The following MIDEAS variants were observed in gnomAD, a reference collection of about 807,000 sequenced individuals.
MIDEAS encodes mitotic deacetylase associated SANT domain protein.
Under a neutral mutation model 102.7 loss-of-function variants are expected in MIDEAS, and 26 were observed. The ratio of observed to expected loss-of-function variants is 0.25; its 90% CI spans 0.19 to 0.35. The LOEUF (loss-of-function observed/expected upper bound fraction) is 0.35. Among genes scored for constraint, MIDEAS ranks in the 10% least tolerant of loss-of-function variants. The pLI, the probability that MIDEAS is intolerant of heterozygous loss-of-function variation, is 1.00. For synonymous variants in MIDEAS, 585 were observed against 591.0 expected, an observed-to-expected ratio of 0.99 and a Z score of 0.15; for missense variants, 1,231 against 1,435.6, an observed-to-expected ratio of 0.86 and a Z score of 2.30.
chr14:73,770,378 GAT>G (rs2053632239), intron 1 of MIDEAS, among the ~76,000 whole-genome samples: 1 of 152,148 alleles, frequency 6.6e-6, no homozygotes, highest in African/African-American at 2.4e-5. Flanking sequence ...TGATGATGAT[GAT>G]GATGGTGATG....
chr14:73,731,937 C>T lies in MIDEAS; in HGVS notation c.1750-1952G>A, dbSNP rs533893485. Among the ~76,000 whole-genome samples, 74 of 152,328 alleles carry T rather than the reference C, an allele frequency of 4.9e-4. 2 individuals are homozygous for T. In the South Asian group the frequency reaches 0.015, roughly 30 times the overall value. ...TAAACAAATAACAAAACACAAACCT[C>T]CCCCCAAAGCCTGGTGTAGTACAAG... On this transcript the variant is annotated intron_variant, in intron 3 of 12. Transcript: ENST00000423556.
intron 11 of MIDEAS, among the ~76,000 whole-genome samples, chr14:73,719,753 G>C (rs777644264): frequency 3.2e-4 from 49 of 151,430 alleles, no homozygotes; most frequent in Non-Finnish European, 6.5e-4. Flanking sequence ...TAGAGGCCTT[G>C]ATGCGCCTGA....
In MIDEAS at chr14:73,726,619, G is replaced by A; in HGVS notation, c.2394C>T (p.Ser798=). 1 of 1,614,142 alleles carries A rather than the reference G, an allele frequency of 6.2e-7. No individual in the cohort carries two copies. The highest frequency in any genetic ancestry group is 8.5e-7 in the Non-Finnish European group (1 of 1,180,006). The change falls in exon 7 of 13, where the codon TCC becomes TCT. Residue 798 remains serine, a synonymous_variant. Coordinates refer to ENST00000423556, the MANE Select transcript of MIDEAS (RefSeq NM_001367710.1). ...GCCTTCTCACCAGGATGTCTCCTCT[G>A]GATTCGTGCAGACAGTGCAGGGCCA... The part of the protein sequence containing the change: ...QELALHCLHE[S]RGDILETLNK...
Position 73,716,187 on chromosome 14 carries a change from C to G in MIDEAS, c.*2656G>C, listed in dbSNP as rs3742818. Reference sequence around the variant, plus strand: ...ATGCCAGCTTCTATAGCTGCACCTGCTTTATTGGCAGGTCACTTGCCACAA... The same window carrying G: ...ATGCCAGCTTCTATAGCTGCACCTGGTTTATTGGCAGGTCACTTGCCACAA... On this transcript the variant is annotated 3_prime_UTR_variant, in exon 13 of 13. Coordinates refer to ENST00000423556, the MANE Select transcript of MIDEAS (RefSeq NM_001367710.1). 0.058 allele frequency: 8,899 copies of G among 152,636 alleles called. 270 individuals are homozygous for G. Among genetic ancestry groups the G allele is most frequent in the Middle Eastern group, 0.085 (25 of 294 alleles). 9.5% of individuals were successfully genotyped at this position (152,636 alleles called of 1,614,324 possible).
In MIDEAS at chr14:73,718,913, G is replaced by A; in HGVS notation, c.3230C>T (p.Ala1077Val). ...GTGGGCGGCGGCGGCGGCAGCAGCG[G>A]CCTCTTTCTCCTTCAGCCTCAGCGC... ...AAALRLKEKE[A>V]AAAAAAAHQQ... Residue 1077 changes from alanine to valine, a missense_variant, in exon 13 of 13, where the codon GCC becomes GTC. This residue lies in a region of MIDEAS where 71 missense variants were observed against 51.9 expected (regional missense o/e 1.37). Coordinates refer to ENST00000423556, the MANE Select transcript of MIDEAS (RefSeq NM_001367710.1). 1 of 1,524,064 alleles carries A rather than the reference G, an allele frequency of 6.6e-7. No homozygotes were observed. Among genetic ancestry groups the A allele is most frequent in the Non-Finnish European group, 8.8e-7 (1 of 1,142,370 alleles). The allele number at this position is 1,524,064 out of a possible 1,614,324, so 94.4% of individuals were successfully genotyped here. A position where few individuals can be genotyped will look rare whatever the true frequency, so the allele number is the denominator to read the frequency against.
intron 1 of MIDEAS, among the ~76,000 whole-genome samples, chr14:73,756,357 A>G (rs1234436566): frequency 1.4e-4 from 21 of 151,996 alleles, no homozygotes; most frequent in Non-Finnish European, 4.4e-5. Flanking sequence ...TGCAGTTTCC[A>G]ACATTAAAGT....
chr14:73,776,931 C>T (rs986311057), intron 1 of MIDEAS, among the ~76,000 whole-genome samples: 2 of 151,880 alleles, frequency 1.3e-5, no homozygotes, highest in Admixed American at 6.6e-5. Context: ...ATTAGCCTGG[C>T]GTGGTGGCGG....
Position 73,722,740 on chromosome 14 carries a change from G to A in MIDEAS, c.2682C>T (p.Ser894=), listed in dbSNP as rs375773568. 4.7e-5 allele frequency: 76 copies of A among 1,614,002 alleles called. No individual in the cohort carries two copies. The highest frequency in any genetic ancestry group is 6.2e-5 in the Non-Finnish European group (73 of 1,180,022). Residue 894 remains serine, a synonymous_variant, in exon 10 of 13, where the codon AGC becomes AGT. Transcript: ENST00000423556. ...GTLTFGDVDT[S]DEKSAQEEVE... ...CCTCTTCCTGGGCCGACTTCTCATC[G>A]CTCGTATCCACATCCCCAAAGGTTA...
chr14:73,735,841 T>C (rs564257975), intron 3 of MIDEAS, among the ~76,000 whole-genome samples: 1 of 152,254 alleles, frequency 6.6e-6, no homozygotes, highest in Admixed American at 6.5e-5. Flanking sequence ...ATCACACTTG[T>C]ATCTCATAAC....
upstream of MIDEAS, among the ~76,000 whole-genome samples, chr14:73,764,359 A>AAC (rs1555345440): frequency 3.3e-4 from 39 of 117,692 alleles, no homozygotes; most frequent in East Asian, 8.3e-3. Flanking sequence ...AAAAAAAAAA[A>AAC]AAAACAAAAC....
Position 73,726,106 on chromosome 14 carries a change from T to C in MIDEAS, c.2412A>G (p.Glu804=), listed in dbSNP as rs747405241. Residue 804 remains glutamate, a splice_region_variant and synonymous_variant, in exon 8 of 13, where the codon GAA becomes GAG. Coordinates refer to ENST00000423556, the MANE Select transcript of MIDEAS (RefSeq NM_001367710.1). ...CLHESRGDIL[E]TLNKLLLKKP... Reference sequence around the variant, plus strand: ...TCTTCAGCAGCAGCTTATTCAGCGTTTCCTGGAGGGGAAGTGAGGGAAGGG... The same window carrying C: ...TCTTCAGCAGCAGCTTATTCAGCGTCTCCTGGAGGGGAAGTGAGGGAAGGG... 1 of 1,589,618 alleles carries C rather than the reference T, an allele frequency of 6.3e-7. No individual in the cohort carries two copies. The highest frequency in any genetic ancestry group is 2.3e-5 in the East Asian group (1 of 44,176).
Position 73,715,174 on chromosome 14 carries a change from C to A in MIDEAS, c.*3669G>T, listed in dbSNP as rs183573412. On this transcript the variant is annotated 3_prime_UTR_variant, in exon 13 of 13. Coordinates refer to ENST00000423556, the MANE Select transcript of MIDEAS (RefSeq NM_001367710.1). ...AGGTTTAAAGATACAGAAGAACATT[C>A]AAAAGTAAATAAGTTACATAGGTAC... 8 of 152,672 alleles carry A rather than the reference C, an allele frequency of 5.2e-5. No homozygotes were observed. The highest frequency in any genetic ancestry group is 1.9e-4 in the African/African-American group (8 of 41,544). The allele number at this position is 152,672 out of a possible 1,614,324, so 9.5% of individuals were successfully genotyped here. A position where few individuals can be genotyped will look rare whatever the true frequency, so the allele number is the denominator to read the frequency against.
chr14:73,773,922 T>C (rs866921024), intron 1 of MIDEAS, among the ~76,000 whole-genome samples: 5 of 149,268 alleles, frequency 3.3e-5, no homozygotes, highest in Admixed American at 2.0e-4. Context: ...CTTAGGAGGC[T>C]GAAGCAGGAC....
At chr14:73,761,075 G>A (rs774650538), upstream of MIDEAS, among the ~76,000 whole-genome samples, 36 of 152,132 alleles carry the variant, frequency 2.4e-4, no homozygotes, top group Middle Eastern at 3.2e-3. Flanking sequence ...GTTTTTTGGT[G>A]GTGGTGCAGT....
rs1479738204 is a variant in MIDEAS at position 73,725,467 on chromosome 14, C to T, written c.2486-107G>A. On this transcript the variant is annotated intron_variant, in intron 8 of 12. Transcript: ENST00000423556. This position sits in a 1 kb window ranked among gnomAD's most constrained non-coding sequence, Gnocchi z 4.1. ...TGAGGCCATCCGCCCATGGTTTCTG[C>T]AGGCATCAGAGCCGGCTCCTCGTCC... The T allele has an allele frequency of 4.7e-6, 4 of 843,682 alleles. No individual in the cohort carries two copies. The highest frequency in any genetic ancestry group is 8.0e-6 in the Non-Finnish European group (4 of 502,254). 52.3% of individuals were successfully genotyped at this position (843,682 alleles called of 1,614,324 possible).
At chr14:73,726,501 G>C (rs775575899) in intron 7 of MIDEAS, 103 bp downstream of exon 7, 94 of 1,107,054 alleles carry the variant, frequency 8.5e-5, no homozygotes, top group Non-Finnish European at 1.2e-4. Flanking sequence ...CCTCCTACTG[G>C]CCTCAAATGT....
chr14:73,759,804 C>T lies in MIDEAS; in HGVS notation c.-289G>A, dbSNP rs935972959. 6.6e-6 allele frequency: 1 copy of T among 152,108 alleles called. No homozygotes were observed. Among genetic ancestry groups the T allele is most frequent in the African/African-American group, 2.4e-5 (1 of 41,556 alleles). The allele number at this position is 152,108 out of a possible 1,614,324, so 9.4% of individuals were successfully genotyped here. A position where few individuals can be genotyped will look rare whatever the true frequency, so the allele number is the denominator to read the frequency against. On this transcript the variant is annotated 5_prime_UTR_variant, in exon 1 of 13. Transcript: ENST00000423556. The surrounding 1 kb of genome is among the most constrained non-coding windows in gnomAD (Gnocchi z 6.7). ...CTCCGGGCTCCGGGCTCGGCTGTCCCCCTTCCGCCGCGGGTCGCCGCCTTC... is the reference window on the plus strand; with the variant it reads ...CTCCGGGCTCCGGGCTCGGCTGTCCTCCTTCCGCCGCGGGTCGCCGCCTTC...
rs140473299 is a variant in MIDEAS, at chr14:73,755,341, G to A, written c.-248+4422C>T. ...CCCAGCCCCACCCCAGCACAACTCC[G>A]GCTCTCCTCTGACAGTGGCAACTTT... is the stretch of plus-strand genomic sequence containing the variant. On this transcript the variant is annotated intron_variant, in intron 1 of 12. Coordinates refer to ENST00000423556, the MANE Select transcript of MIDEAS (RefSeq NM_001367710.1). Among the ~76,000 whole-genome samples, 428 of 152,058 alleles carry A rather than the reference G, an allele frequency of 2.8e-3. 2 individuals carry two copies. Among genetic ancestry groups the A allele is most frequent in the Non-Finnish European group, 4.9e-3 (331 of 67,992 alleles).
In MIDEAS at chr14:73,722,922, G is replaced by A. The variant is rs549211336; in HGVS notation, c.2575-75C>T. On this transcript the variant is annotated intron_variant, in intron 9 of 12. Coordinates refer to ENST00000423556, the MANE Select transcript of MIDEAS (RefSeq NM_001367710.1). ...GCCTGTGGAGAATCCAGCCTTTCTC[G>A]TCCCTGCATCTTTCCCTTAACTTCA... The A allele has an allele frequency of 1.6e-4, 251 of 1,534,128 alleles. 1 individual carries two copies. Among genetic ancestry groups the A allele is most frequent in the South Asian group, 1.6e-3 (128 of 82,258 alleles).
Sources: gnomAD v4.1 joint callset for allele counts (sites outside exome capture counted in the v4.1 genomes callset) on GRCh38, gnomAD v4.1.1 for gene constraint, gnomAD v4.1.1 regional missense constraint, Gnocchi (gnomAD v3.1) non-coding constraint, MANE v1.5 for transcripts, NCBI Gene and HGNC (gene_info 2026-07-23, HGNC 2026-07-21) for gene names.